YES1: variants seen among roughly 807,000 people sequenced by gnomAD.
YES1 encodes tyrosine-protein kinase Yes.
In YES1, 39 loss-of-function variants were observed where a neutral mutation model predicts 70.4. The ratio of observed to expected loss-of-function variants is 0.55; its 90% CI spans 0.43 to 0.72. YES1 has a LOEUF of 0.72. Ranked by LOEUF, YES1 falls within the 30% of genes least tolerant of loss-of-function variation. YES1 has a pLI of 0.00. For missense variants in YES1, 495 were observed against 644.8 expected (o/e 0.77, Z 2.52); for synonymous variants, 198 against 218.6 (o/e 0.91, Z 0.83).
At chr18:802,609 G>A (rs1906883951) in intron 1 of YES1, among the ~76,000 whole-genome samples, 1 of 151,078 alleles carries the variant, frequency 6.6e-6, no homozygotes, top group Non-Finnish European at 1.5e-5. Context: ...ACTATTTAAT[G>A]AAGAAGAAAA....
At chr18:780,526 C>G (rs751392942) in intron 1 of YES1, among the ~76,000 whole-genome samples, 1 of 152,144 alleles carries the variant, frequency 6.6e-6, no homozygotes, top group Non-Finnish European at 1.5e-5. Flanking sequence ...AAGCCCTTCT[C>G]ATATGCCACC....
At chr18:764,052 G>A (rs553478831) in intron 1 of YES1, among the ~76,000 whole-genome samples, 150 of 150,616 alleles carry the variant, frequency 1.0e-3, no homozygotes, top group Non-Finnish European at 1.7e-3. Context: ...CCCGGGAGGC[G>A]GAGCTTGCAG....
intron 4 of YES1, among the ~76,000 whole-genome samples, 187 bp downstream of exon 4, chr18:747,733 T>G (rs1224904847): frequency 2.0e-5 from 3 of 152,228 alleles, no homozygotes; most frequent in African/African-American, 7.2e-5. Context: ...GATTCGTTTA[T>G]GATCCTACTC....
At chr18:792,565 ATGTG>A (rs71174292) in intron 1 of YES1, among the ~76,000 whole-genome samples, 12,631 of 147,020 alleles carry the variant, frequency 0.086, 719 homozygotes, top group Non-Finnish European at 0.13. Context: ...CCCTCTGTAT[ATGTG>A]TGTGTGTGTG....
intron 1 of YES1, among the ~76,000 whole-genome samples, chr18:770,174 T>A (rs1437030390): frequency 2.0e-5 from 3 of 152,016 alleles, no homozygotes; most frequent in African/African-American, 7.2e-5. Flanking sequence ...TAGCCAGGAT[T>A]GTCTTGATCT....
chr18:789,636 A>G (rs1336633666), intron 1 of YES1, among the ~76,000 whole-genome samples: 1 of 152,188 alleles, frequency 6.6e-6, no homozygotes, highest in East Asian at 1.9e-4. Context: ...TTCTACATCA[A>G]TGAACTACAG....
chr18:765,965 T>C (rs1000516900), intron 1 of YES1, among the ~76,000 whole-genome samples: 2 of 152,232 alleles, frequency 1.3e-5, no homozygotes, highest in African/African-American at 4.8e-5. Flanking sequence ...CTTCATAAGT[T>C]GGGAACACAT....
intron 1 of YES1, among the ~76,000 whole-genome samples, chr18:801,014 C>T (rs1167006904): frequency 2.0e-5 from 3 of 151,922 alleles, no homozygotes; most frequent in Admixed American, 1.3e-4. Context: ...GGTGTGGTGG[C>T]GTGTGCCTGT....
In YES1 at chr18:760,477, C is replaced by A. The variant is rs989842136; in HGVS notation, c.-8-3642G>T. Reference sequence around the variant, plus strand: ...AGAGTGAGATTCTGTCTAAAAAAAACAAACAAACAACAACAACAACAACAA... The same window carrying A: ...AGAGTGAGATTCTGTCTAAAAAAAAAAAACAAACAACAACAACAACAACAA... On this transcript the variant is annotated intron_variant, in intron 1 of 11. Coordinates refer to ENST00000314574, the MANE Select transcript of YES1 (RefSeq NM_005433.4). Among the ~76,000 whole-genome samples, 25 of 151,908 alleles carry A rather than the reference C, an allele frequency of 1.6e-4. 1 individual carries two copies. The highest frequency in any genetic ancestry group is 1.0e-3 in the South Asian group (5 of 4,810).
intron 11 of YES1, among the ~76,000 whole-genome samples, chr18:727,535 TGATTAAA>T (rs1407428498): frequency 2.6e-5 from 4 of 152,174 alleles, no homozygotes; most frequent in African/African-American, 9.7e-5. Flanking sequence ...CTTTTTAATT[TGATTAAA>T]CAAGCATTTT....
intron 2 of YES1, among the ~76,000 whole-genome samples, chr18:756,329 T>G (rs930158402): frequency 2.6e-5 from 4 of 152,058 alleles, no homozygotes; most frequent in Admixed American, 2.6e-4. Flanking sequence ...ATAAAATAAT[T>G]AATGACATGA....
chr18:761,698 T>G (rs1904603231), intron 1 of YES1, among the ~76,000 whole-genome samples: 1 of 152,210 alleles, frequency 6.6e-6, no homozygotes, highest in East Asian at 1.9e-4. Flanking sequence ...ATCTACGCAC[T>G]TATCTTTCCA....
Position 742,938 on chromosome 18 carries a change from A to C in YES1, c.1040T>G (p.Val347Gly). 6.3e-7 allele frequency: 1 copy of C among 1,594,278 alleles called. No individual in the cohort carries two copies. The highest frequency in any genetic ancestry group is 8.5e-7 in the Non-Finnish European group (1 of 1,174,562). Reference protein sequence around the residue: ...AVVSEEPIYIVTEFMSKGSLL... With the variant: ...AVVSEEPIYIGTEFMSKGSLL... ...CATACCTTTTGACATAAATTCAGTG[A>C]CAATGTAAATTGGTTCTTCAGAAAC... is the stretch of plus-strand genomic sequence containing the variant. The change falls in exon 8 of 12, where the codon GTC becomes GGC. Residue 347 changes from valine (V) to glycine (G), a missense_variant. Physicochemically the swap from Val to Gly is moderately radical, Grantham distance 109. Around this residue, in one of 2 missense-constraint regions of YES1, gnomAD observed 385 missense variants for 540.9 expected, o/e 0.71. Transcript: ENST00000314574.
rs1265223582 is a variant in YES1, at chr18:739,803, A to G, written c.1069T>C (p.Leu357=). The G allele has an allele frequency of 6.2e-7, 1 of 1,609,778 alleles. No homozygotes were observed. Among genetic ancestry groups the G allele is most frequent in the Non-Finnish European group, 8.5e-7 (1 of 1,178,944 alleles). ...CCATCTCCTTCCTTAAGGAAATCTA[A>G]TAAGCTTCCTGTAACAGACAGCAAG... ...VTEFMSKGSL[L]DFLKEGDGKY... is the part of the protein sequence containing the mutation. The change falls in exon 9 of 12, where the codon TTA becomes CTA. Residue 357 remains leucine (L), a synonymous_variant. Coordinates refer to ENST00000314574, the MANE Select transcript of YES1 (RefSeq NM_005433.4).
At chr18:764,613 G>A (rs981893161) in intron 1 of YES1, among the ~76,000 whole-genome samples, 13 of 152,300 alleles carry the variant, frequency 8.5e-5, no homozygotes, top group African/African-American at 1.9e-4. Flanking sequence ...CAGATGGTTC[G>A]TTTTAGGTTC....
intron 11 of YES1, among the ~76,000 whole-genome samples, chr18:726,781 CAAAAAAAAAAAAAAAAAAA>C (rs58322434): frequency 4.2e-5 from 2 of 47,232 alleles, no homozygotes; most frequent in Admixed American, 3.9e-4. Flanking sequence ...ACTCTTGTCT[CAAAAAAAAAAAAAAAAAAA>C]AAAAAAAAAA....
rs1555684323 is a variant in YES1 at position 743,914 on chromosome 18, A to AT, written c.725-500_725-499insA. ...CAGTGAGATTCTGACTCGAAAAAAAAAAAAATATATATATATATACATGTT... is the reference window on the plus strand; with the variant it reads ...CAGTGAGATTCTGACTCGAAAAAAAATAAAAATATATATATATATACATGTT... On this transcript the variant is annotated intron_variant, in intron 6 of 11. Coordinates refer to ENST00000314574, the MANE Select transcript of YES1 (RefSeq NM_005433.4). 2.5e-4 allele frequency among the ~76,000 whole-genome samples: 36 copies of AT among 145,974 alleles called. 1 individual carries two copies. The highest frequency in any genetic ancestry group is 3.6e-4 in the Non-Finnish European group (24 of 67,270).
intron 1 of YES1, among the ~76,000 whole-genome samples, chr18:802,508 C>T (rs1434752030): frequency 6.7e-6 from 1 of 149,710 alleles, no homozygotes; most frequent in African/African-American, 2.5e-5. Flanking sequence ...CACACTATTG[C>T]ACCCCAGCCT....
intron 9 of YES1, among the ~76,000 whole-genome samples, chr18:737,743 G>A (rs777169581): frequency 2.0e-5 from 3 of 152,144 alleles, no homozygotes; most frequent in African/African-American, 7.2e-5. Flanking sequence ...TGACTGAGAC[G>A]GGGTCTCACT....
Sources: allele counts gnomAD v4.1 joint callset (sites outside exome capture counted in the v4.1 genomes callset), GRCh38; gene constraint gnomAD v4.1.1; regional missense constraint gnomAD v4.1.1; transcripts MANE v1.5; gene names NCBI Gene and HGNC (gene_info 2026-07-23, HGNC 2026-07-21).